The following TEF variants were observed in gnomAD, a reference collection of about 807,000 sequenced individuals.
TEF encodes thyrotroph embryonic factor.
Under a neutral mutation model 20.8 loss-of-function variants are expected in TEF, and 3 were observed. The ratio of observed to expected loss-of-function variants is 0.14; its 90% CI spans 0.07 to 0.37. TEF has a LOEUF of 0.37. Among genes scored for constraint, TEF ranks in the 10% least tolerant of loss-of-function variants. The probability of loss-of-function intolerance (pLI) is 1.00; values close to 1 mark genes in which losing one functional copy is unlikely to be tolerated. For synonymous variants in TEF, 180 were observed against 171.1 expected (o/e 1.05, Z -0.41); for missense variants, 296 against 397.9 (o/e 0.74, Z 2.18).
At chr22:41,377,303 G>C (rs1207283532), upstream of TEF, 1 of 152,188 alleles carries the variant, frequency 6.6e-6, no homozygotes, top group African/African-American at 2.4e-5. Context: ...ATTGTTTACT[G>C]TTTGTAGAGA....
intron 2 of TEF, among the ~76,000 whole-genome samples, chr22:41,391,049 T>A (rs2037159004): frequency 6.6e-6 from 1 of 152,148 alleles, no homozygotes; most frequent in East Asian, 1.9e-4. Context: ...AGGTTTGGCA[T>A]GCCCGAAACT....
intron 3 of TEF, among the ~76,000 whole-genome samples, chr22:41,395,367 G>A (rs1189784964): frequency 3.3e-5 from 5 of 152,138 alleles, no homozygotes; most frequent in Non-Finnish European, 7.3e-5. Flanking sequence ...TACTTGCACA[G>A]TTTCACTGCT....
chr22:41,381,590 G>C (rs1467363422), upstream of TEF, among the ~76,000 whole-genome samples: 1 of 152,230 alleles, frequency 6.6e-6, no homozygotes, highest in African/African-American at 2.4e-5. Flanking sequence ...CGGTGGTTGG[G>C]GAGGGCGGGG....
intron 1 of TEF, among the ~76,000 whole-genome samples, chr22:41,368,260 A>C (rs2036843599): frequency 6.7e-6 from 1 of 149,844 alleles, no homozygotes; most frequent in Non-Finnish European, 1.5e-5. Context: ...AATACTGATA[A>C]ATCTCTCTCC....
intron 1 of TEF, among the ~76,000 whole-genome samples, chr22:41,376,475 G>A (rs1182611184): frequency 2.0e-5 from 3 of 152,190 alleles, no homozygotes; most frequent in Admixed American, 6.5e-5. Flanking sequence ...TGAGCCATCC[G>A]CCTCGGCCTC....
At chr22:41,374,169 G>C (rs1378644172) in intron 1 of TEF, among the ~76,000 whole-genome samples, 1 of 152,144 alleles carries the variant, frequency 6.6e-6, no homozygotes, top group East Asian at 1.9e-4. Flanking sequence ...ACTTCGGGAG[G>C]CTGAAGTGGG....
chr22:41,392,880 T>C (rs1325620848), intron 2 of TEF, among the ~76,000 whole-genome samples: 3 of 150,578 alleles, frequency 2.0e-5, no homozygotes, highest in Non-Finnish European at 4.4e-5. Flanking sequence ...CTACTAAAAA[T>C]ACAAAAACTA....
At chr22:41,385,161 C>T (rs991055456) in intron 1 of TEF, among the ~76,000 whole-genome samples, 4 of 151,890 alleles carry the variant, frequency 2.6e-5, no homozygotes, top group African/African-American at 9.7e-5. Flanking sequence ...GTCGGGAGTT[C>T]AAGACAAGCC....
chr22:41,394,850 G>A (rs866458512), intron 3 of TEF, among the ~76,000 whole-genome samples: 1 of 152,180 alleles, frequency 6.6e-6, no homozygotes, highest in African/African-American at 2.4e-5. Flanking sequence ...GCCACTTGTG[G>A]CCTAGCTGTG....
chr22:41,381,390 G>T (rs2037019252), upstream of TEF, among the ~76,000 whole-genome samples: 1 of 150,110 alleles, frequency 6.7e-6, no homozygotes, highest in Non-Finnish European at 1.5e-5. Flanking sequence ...CTGTTCCCGC[G>T]CCTTCCTCCT....
At chr22:41,381,650 G>A (rs985840031), upstream of TEF, among the ~76,000 whole-genome samples, 3 of 152,174 alleles carry the variant, frequency 2.0e-5, no homozygotes, top group Non-Finnish European at 4.4e-5. Context: ...GGAAGGGACC[G>A]CGCCGAGGAA....
rs527297111 is a variant in TEF at position 41,392,401 on chromosome 22, C to T, written c.476-1695C>T. 8.5e-5 allele frequency among the ~76,000 whole-genome samples: 13 copies of T among 152,162 alleles called. 1 individual carries two copies. The Middle Eastern group carries it at 0.014, about 159-fold the overall frequency. On this transcript the variant is annotated intron_variant, in intron 2 of 3. Coordinates refer to ENST00000266304, the MANE Select transcript of TEF (RefSeq NM_003216.4). ...TGTCATAAGACTAAATGGGGCCGGG[C>T]GCAGTGGCTCACACCTGTAATCCCA... is the stretch of plus-strand genomic sequence containing the variant.
intron 1 of TEF, among the ~76,000 whole-genome samples, chr22:41,382,631 A>G (rs991789364): frequency 6.6e-6 from 1 of 151,858 alleles, no homozygotes; most frequent in African/African-American, 2.4e-5. Context: ...AAGTACACCA[A>G]AGTTTAGGAA....
intron 1 of TEF, chr22:41,382,974 G>A (rs1276577727): frequency 4.2e-6 from 2 of 471,000 alleles, no homozygotes; most frequent in African/African-American, 2.0e-5. Flanking sequence ...TCACTGGGGC[G>A]TATACGGAAA....
rs1306906643 is a variant in TEF, at chr22:41,394,251, G to A, written c.631G>A (p.Glu211Lys). Residue 211 changes from glutamate (E) to lysine (K), a missense_variant, in exon 3 of 4, where the codon GAG becomes AAG. By Grantham distance (56) the Glu-to-Lys change is moderately conservative. Transcript: ENST00000266304. Reference protein sequence around the residue: ...FNPRKHKFAEEDLKPQPMIKK... With the variant: ...FNPRKHKFAEKDLKPQPMIKK... ...CCCTCGGAAGCACAAGTTTGCTGAG[G>A]AGGACCTGAAGCCCCAGCCTATGAT... The A allele has an allele frequency of 6.2e-7, 1 of 1,614,042 alleles. No homozygotes were observed.
At chr22:41,367,685 G>C in intron 1 of TEF, 1 of 1,352,580 alleles carries the variant, frequency 7.4e-7, no homozygotes, top group Non-Finnish European at 1.0e-6. Context: ...GGCAGGACAG[G>C]CATCTCCAAG....
At chr22:41,395,161 C>T (rs1249901595) in intron 3 of TEF, among the ~76,000 whole-genome samples, 1 of 152,052 alleles carries the variant, frequency 6.6e-6, no homozygotes, top group Non-Finnish European at 1.5e-5. Flanking sequence ...TGTGCACCAC[C>T]ACGCCGGCTA....
chr22:41,369,909 T>C, intron 1 of TEF: 1 of 985,448 alleles, frequency 1.0e-6, no homozygotes, highest in Non-Finnish European at 1.2e-6. Context: ...TTTGGATGAC[T>C]GTTTACAAAC....
At chr22:41,378,121 T>C (rs1321681118), upstream of TEF, among the ~76,000 whole-genome samples, 7 of 151,318 alleles carry the variant, frequency 4.6e-5, no homozygotes, top group Non-Finnish European at 7.4e-5. Flanking sequence ...TCAAGTCTCC[T>C]CATGGCCAAA....
Sources: allele counts gnomAD v4.1 joint callset (sites outside exome capture counted in the v4.1 genomes callset), GRCh38; gene constraint gnomAD v4.1.1; transcripts MANE v1.5; gene names NCBI Gene and HGNC (gene_info 2026-07-23, HGNC 2026-07-21).